SAMD12: variants seen among roughly 807,000 people sequenced by gnomAD.
SAMD12 encodes sterile alpha motif domain containing 12, also known as sterile alpha motif domain-containing protein 12.
Under a neutral mutation model 15.0 loss-of-function variants are expected in SAMD12, and 9 were observed. The ratio of observed to expected loss-of-function variants is 0.60; its 90% CI spans 0.36 to 1.05. The LOEUF is 1.05. Ranked by LOEUF, SAMD12 falls within the 50% of genes least tolerant of loss-of-function variation. The probability of loss-of-function intolerance (pLI) is 0.01; values close to 1 mark genes in which losing one functional copy is unlikely to be tolerated. For missense variants in SAMD12, 230 were observed against 234.2 expected, an observed-to-expected ratio of 0.98 and a Z score of 0.12; for synonymous variants, 86 against 90.1, an observed-to-expected ratio of 0.96 and a Z score of 0.25.
At chr8:118,498,270 G>A (rs557476728) in intron 2 of SAMD12, among the ~76,000 whole-genome samples, 2 of 152,276 alleles carry the variant, frequency 1.3e-5, no homozygotes, top group South Asian at 2.1e-4. Context: ...TTTATACAAC[G>A]AGATGCTGTT....
At chr8:118,572,241 T>C (rs985163135) in intron 2 of SAMD12, among the ~76,000 whole-genome samples, 2 of 152,250 alleles carry the variant, frequency 1.3e-5, no homozygotes, top group Non-Finnish European at 2.9e-5. Flanking sequence ...ATTTACCCAA[T>C]GCCTGTCCCC....
chr8:118,155,788 G>T, the SAMD12 span, among the ~76,000 whole-genome samples: 1 of 152,254 alleles, frequency 6.6e-6, no homozygotes, highest in South Asian at 2.1e-4. Flanking sequence ...AAAAGGAAAT[G>T]GTATGTGTCC....
At chr8:118,503,864 TAG>T (rs1824852273) in intron 2 of SAMD12, among the ~76,000 whole-genome samples, 1 of 152,214 alleles carries the variant, frequency 6.6e-6, no homozygotes, top group Non-Finnish European at 1.5e-5. Context: ...GGTGATTTTG[TAG>T]AGTCTGAGGG....
intron 4 of SAMD12, among the ~76,000 whole-genome samples, chr8:118,245,248 C>T (rs770793432): frequency 2.0e-5 from 3 of 152,066 alleles, no homozygotes; most frequent in Non-Finnish European, 4.4e-5. Context: ...TAAGAAGCCT[C>T]GAGTTTCTGT....
At chr8:118,418,333 T>C (rs1821815576) in intron 3 of SAMD12, among the ~76,000 whole-genome samples, 2 of 152,178 alleles carry the variant, frequency 1.3e-5, no homozygotes. Flanking sequence ...CCCTAGCCTT[T>C]CTTTTTAAAT....
chr8:118,138,579 T>G, the SAMD12 span, among the ~76,000 whole-genome samples: 1 of 152,222 alleles, frequency 6.6e-6, no homozygotes, highest in African/African-American at 2.4e-5. Flanking sequence ...CTTCCCAGCA[T>G]CCGGATGTAT....
At chr8:118,253,049 C>T (rs1193416211) in intron 4 of SAMD12, among the ~76,000 whole-genome samples, 1 of 152,120 alleles carries the variant, frequency 6.6e-6, no homozygotes, top group Non-Finnish European at 1.5e-5. Context: ...GCTGGGGAGA[C>T]CTGAAGCCCC....
intron 3 of SAMD12, among the ~76,000 whole-genome samples, chr8:118,419,164 G>A (rs987086122): frequency 6.6e-6 from 1 of 151,656 alleles, no homozygotes; most frequent in Non-Finnish European, 1.5e-5. Context: ...AATTGACAAA[G>A]CAAAAATGAT....
At chr8:118,412,950 C>A (rs1189525780) in intron 3 of SAMD12, among the ~76,000 whole-genome samples, 2 of 152,050 alleles carry the variant, frequency 1.3e-5, no homozygotes, top group African/African-American at 4.8e-5. Flanking sequence ...AAATGTGACA[C>A]AAGTAGAGGC....
At chr8:118,456,794 C>T (rs1446749496) in intron 2 of SAMD12, among the ~76,000 whole-genome samples, 1 of 152,190 alleles carries the variant, frequency 6.6e-6, no homozygotes, top group Non-Finnish European at 1.5e-5. Flanking sequence ...GTGAATAACA[C>T]AAAAGAAGCC....
intron 2 of SAMD12, among the ~76,000 whole-genome samples, chr8:118,551,594 C>A (rs1394429238): frequency 1.3e-5 from 2 of 151,950 alleles, no homozygotes; most frequent in Admixed American, 6.6e-5. Context: ...AAAATTGACA[C>A]CCTAACATCA....
chr8:118,180,532 C>A, the SAMD12 span, among the ~76,000 whole-genome samples: 1 of 136,838 alleles, frequency 7.3e-6, no homozygotes, highest in Non-Finnish European at 1.6e-5. Context: ...TGTTTCATGC[C>A]TTTCTCTTTC....
At chr8:118,541,522 A>C (rs1247514200) in intron 2 of SAMD12, among the ~76,000 whole-genome samples, 4 of 152,290 alleles carry the variant, frequency 2.6e-5, no homozygotes, top group African/African-American at 9.6e-5. Flanking sequence ...TAAATGTGCC[A>C]CTGTAGCATG....
chr8:118,183,780 T>C, the SAMD12 span, among the ~76,000 whole-genome samples: 3,279 of 152,242 alleles, frequency 0.022, 53 homozygotes, highest in South Asian at 0.078. Context: ...ATCACCCAAG[T>C]AGTGTACATT....
At chr8:118,183,218 G>A in the SAMD12 span, among the ~76,000 whole-genome samples, 1 of 152,168 alleles carries the variant, frequency 6.6e-6, no homozygotes, top group South Asian at 2.1e-4. Context: ...TCCTGTGGGA[G>A]GAACTTTGCT....
At chr8:118,473,361 T>A (rs1823859785) in intron 2 of SAMD12, among the ~76,000 whole-genome samples, 1 of 152,304 alleles carries the variant, frequency 6.6e-6, no homozygotes, top group African/African-American at 2.4e-5. Flanking sequence ...GTTTCCTGCC[T>A]TAGTAATAGA....
At chr8:118,218,992 T>C (rs918996408) in intron 4 of SAMD12, among the ~76,000 whole-genome samples, 1 of 152,194 alleles carries the variant, frequency 6.6e-6, no homozygotes, top group Non-Finnish European at 1.5e-5. Context: ...AACATCATTG[T>C]CTCACACTCT....
At chr8:118,376,367 C>G (rs183698359), downstream of SAMD12, among the ~76,000 whole-genome samples, 1 of 152,036 alleles carries the variant, frequency 6.6e-6, no homozygotes, top group South Asian at 2.1e-4. Context: ...GATCAGGTCA[C>G]GGGGGTGCAG....
chr8:118,599,528 G>A (rs569807281), intron 1 of SAMD12, among the ~76,000 whole-genome samples: 2 of 152,142 alleles, frequency 1.3e-5, no homozygotes, highest in East Asian at 1.9e-4. Flanking sequence ...AAAGGCTCCC[G>A]CTCGTGGGGT....
Sources: gnomAD v4.1 joint callset for allele counts (sites outside exome capture counted in the v4.1 genomes callset) on GRCh38, gnomAD v4.1.1 for gene constraint, MANE v1.5 for transcripts, NCBI Gene and HGNC (gene_info 2026-07-23, HGNC 2026-07-21) for gene names.